VTN: variants seen among roughly 807,000 people sequenced by gnomAD.
VTN encodes vitronectin, also known as complement S-protein.
A neutral mutation model predicts 55.9 loss-of-function variants in VTN; 45 were observed. The observed-to-expected ratio is 0.80, with a 90% CI of 0.63 to 1.03. The LOEUF (loss-of-function observed/expected upper bound fraction) is 1.03, where lower values mean the gene tolerates loss of function less well. Ranked by LOEUF, VTN falls within the 50% of genes least tolerant of loss-of-function variation. The pLI is 0.00. For missense variants in VTN, 589 were observed against 638.2 expected, an observed-to-expected ratio of 0.92 and a Z score of 0.83; for synonymous variants, 238 against 242.3, an observed-to-expected ratio of 0.98 and a Z score of 0.17.
At position 28,369,653 on chromosome 17, in the gene VTN, CCCA is replaced by C; in HGVS notation, c.380_382del (p.Val127del). The C allele has an allele frequency of 6.2e-7, 1 of 1,613,786 alleles. No individual in the cohort carries two copies. The highest frequency in any genetic ancestry group is 8.5e-7 in the Non-Finnish European group (1 of 1,180,002). ...GTCTATCCCCTCAGGCTTAGAGGCG[CCCA>C]CCTCAGGCGCAGGGGCCTCTTCCTC... On this transcript the variant is annotated inframe_deletion, in exon 3 of 8. Coordinates refer to ENST00000226218, the MANE Select transcript of VTN (RefSeq NM_000638.4). This position sits in a 1 kb window ranked among gnomAD's most constrained non-coding sequence, Gnocchi z 5.3.
At position 28,368,040 on chromosome 17, in the gene VTN, C is replaced by A; in HGVS notation, c.999G>T (p.Gln333His). Residue 333 changes from glutamine (Q) to histidine (H), a missense_variant, in exon 7 of 8, where the codon CAG becomes CAT. By Grantham distance (24) the Gln-to-His change is conservative (BLOSUM62 0). Around this residue, in one of 3 missense-constraint regions of VTN, gnomAD observed 334 missense variants for 328.2 expected, o/e 1.02. Transcript: ENST00000226218. ...CACCGTGCCAGTCCCGGCTAATGAA[C>A]TGGGGCTGTCTGGTACCAGCTGTGG... is the stretch of plus-strand genomic sequence containing the variant. ...GRTSAGTRQP[Q>H]FISRDWHGVP... 1 of 1,582,138 alleles carries A rather than the reference C, an allele frequency of 6.3e-7. No individual in the cohort carries two copies. Among genetic ancestry groups the A allele is most frequent in the South Asian group, 1.2e-5 (1 of 86,954 alleles).
rs1188173407 is a variant in VTN, at chr17:28,369,839, TC to T, written c.196del (p.Asp66MetfsTer33). On this transcript the variant is annotated frameshift_variant, in exon 3 of 8. Coordinates refer to ENST00000226218, the MANE Select transcript of VTN (RefSeq NM_000638.4). LOFTEE classifies it high-confidence loss of function. The surrounding 1 kb of genome is among the most constrained non-coding windows in gnomAD (Gnocchi z 5.3). ...AECKPQVTRGDVFTMPEDEYT... is the reference protein window; with the variant it reads ...AECKPQVTRGXVFTMPEDEYT... ...CTCATCCTCCGGCATAGTGAACACA[TC>T]CCCGCGAGTCACTGCAGAGAGTGGA... is the stretch of plus-strand genomic sequence containing the variant. 19 of 1,612,322 alleles carry T rather than the reference TC, an allele frequency of 1.2e-5. No homozygotes were observed. The highest frequency in any genetic ancestry group is 1.5e-5 in the Non-Finnish European group (18 of 1,178,746).
In VTN at chr17:28,368,626, C is replaced by T; in HGVS notation, c.874G>A (p.Glu292Lys). 3.1e-6 allele frequency: 5 copies of T among 1,613,972 alleles called. No individual in the cohort carries two copies. Among genetic ancestry groups the T allele is most frequent in the Non-Finnish European group, 4.2e-6 (5 of 1,180,026 alleles). Reference sequence around the variant, plus strand: ...GCCGACAGGGAGCTGCCTTCACACTCCTCCTGACTGGGCTGGTGCTGGAAC... The same window carrying T: ...GCCGACAGGGAGCTGCCTTCACACTTCTCCTGACTGGGCTGGTGCTGGAAC... ...YQFQHQPSQE[E>K]CEGSSLSAVF... Residue 292 changes from glutamate (E) to lysine (K), a missense_variant, in exon 6 of 8, where the codon GAG (glutamate) becomes AAG (lysine). Coordinates refer to ENST00000226218, the MANE Select transcript of VTN (RefSeq NM_000638.4).
Position 28,369,323 on chromosome 17 carries a change from C to T in VTN, c.635G>A (p.Arg212His), listed in dbSNP as rs782079860. Reference sequence around the variant, plus strand: ...GTAGGTCTTCCCCTGACAGTTGATGCGGGTGAAGGCGGCATCGATGGGGCC... The same window carrying T: ...GTAGGTCTTCCCCTGACAGTTGATGTGGGTGAAGGCGGCATCGATGGGGCC... Reference protein sequence around the residue: ...IEGPIDAAFTRINCQGKTYLF... With the variant: ...IEGPIDAAFTHINCQGKTYLF... Residue 212 changes from arginine to histidine, a missense_variant, in exon 4 of 8, where the codon CGC becomes CAC. Physicochemically the swap from Arg to His is conservative, Grantham distance 29. Coordinates refer to ENST00000226218, the MANE Select transcript of VTN (RefSeq NM_000638.4). The surrounding 1 kb of genome is among the most constrained non-coding windows in gnomAD (Gnocchi z 5.3). The T allele has an allele frequency of 3.1e-5, 49 of 1,603,266 alleles. No homozygotes were observed. The highest frequency in any genetic ancestry group is 3.7e-5 in the Non-Finnish European group (43 of 1,172,040).
At position 28,369,922 on chromosome 17, in the gene VTN, C is replaced by T. The variant is rs533312813; in HGVS notation, c.184+5G>A. 1.9e-6 allele frequency: 3 copies of T among 1,613,894 alleles called. No homozygotes were observed. In the African/African-American group the frequency reaches 4.0e-5, roughly 22 times the overall value. On this transcript the variant is annotated splice_donor_5th_base_variant and intron_variant, in intron 2 of 7. Transcript: ENST00000226218. This position sits in a 1 kb window ranked among gnomAD's most constrained non-coding sequence, Gnocchi z 5.3. ...CCAGCCCACCCACCTGGGCTCTGAACACACCTTGGGGCTTGCACTCAGCCG... is the reference window on the plus strand; with the variant it reads ...CCAGCCCACCCACCTGGGCTCTGAATACACCTTGGGGCTTGCACTCAGCCG...
chr17:28,367,951 G>T lies in VTN; in HGVS notation c.1088C>A (p.Pro363His). 6.2e-7 allele frequency: 1 copy of T among 1,602,548 alleles called. No homozygotes were observed. Among genetic ancestry groups the T allele is most frequent in the East Asian group, 2.2e-5 (1 of 44,456 alleles). Reference sequence around the variant, plus strand: ...AAACCTTTGTTTCTTGGCCAAGGAGGGGCGGGGTGCCATGCCTGAGATGTA... The same window carrying T: ...AAACCTTTGTTTCTTGGCCAAGGAGTGGCGGGGTGCCATGCCTGAGATGTA... The part of the protein sequence containing the change: ...RIYISGMAPR[P>H]SLAKKQRFRH... Residue 363 changes from proline (P) to histidine (H), a missense_variant, in exon 7 of 8, where the codon CCC (proline) becomes CAC (histidine). By Grantham distance (77) the Pro-to-His change is moderately conservative. Around this residue, in one of 3 missense-constraint regions of VTN, gnomAD observed 334 missense variants for 328.2 expected, o/e 1.02. Coordinates refer to ENST00000226218, the MANE Select transcript of VTN (RefSeq NM_000638.4).
chr17:28,368,259 C>T (rs534369916), intron 6 of VTN, among the ~76,000 whole-genome samples, 200 bp from the exon 7 acceptor site: 1 of 152,068 alleles, frequency 6.6e-6, no homozygotes, highest in Admixed American at 6.6e-5. Context: ...GACCCCACCC[C>T]CCCAGGCCCC....
Position 28,370,168 on chromosome 17 carries a change from C to G in VTN, c.36G>C (p.Leu12=). 6.2e-7 allele frequency: 1 copy of G among 1,613,842 alleles called. No individual in the cohort carries two copies. Among genetic ancestry groups the G allele is most frequent in the Non-Finnish European group, 8.5e-7 (1 of 1,179,810 alleles). Residue 12 remains leucine (L), a synonymous_variant, in exon 1 of 8, where the codon CTG becomes CTC. Transcript: ENST00000226218. ...GGTCAGCCAGAGCAACCCATGCCAG[C>G]AGGGCCAGTATGAGAAGGGGTCTCA... The part of the protein sequence containing the change: ...APLRPLLILA[L]LAWVALADQE...
In VTN at chr17:28,368,523, G is replaced by A. The variant is rs2067925848; in HGVS notation, c.977C>T (p.Ser326Phe). 1.2e-6 allele frequency: 2 copies of A among 1,613,790 alleles called. No homozygotes were observed. The highest frequency in any genetic ancestry group is 1.3e-5 in the African/African-American group (1 of 74,922). The change falls in exon 6 of 8, where the codon TCT (serine) becomes TTT (phenylalanine). Residue 326 changes from serine to phenylalanine, a missense_variant and splice_region_variant. Ser to Phe is a radical substitution (Grantham distance 155). Transcript: ENST00000226218. ...IFELLFWGRT[S>F]AGTRQPQFIS... Reference sequence around the variant, plus strand: ...CAAGACTTGCCCTCTCTCCATACCAGAGGTTCTGCCCCAGAAGAGAAGCTC... The same window carrying A: ...CAAGACTTGCCCTCTCTCCATACCAAAGGTTCTGCCCCAGAAGAGAAGCTC...
chr17:28,369,199 G>A lies in VTN; in HGVS notation c.669+90C>T. ...CCCACCAGGTCCTGCAGGGCCCTGG[G>A]TCCAGCTTCCCTGTCCACCCTGTCC... is the stretch of plus-strand genomic sequence containing the variant. On this transcript the variant is annotated intron_variant, in intron 4 of 7. Transcript: ENST00000226218. The surrounding 1 kb of genome is among the most constrained non-coding windows in gnomAD (Gnocchi z 5.3). 3.3e-6 allele frequency: 5 copies of A among 1,514,842 alleles called. No individual in the cohort carries two copies. Among genetic ancestry groups the A allele is most frequent in the Non-Finnish European group, 3.5e-6 (4 of 1,131,486 alleles). 93.8% of individuals were successfully genotyped at this position (1,514,842 alleles called of 1,614,324 possible).
chr17:28,369,081 A>C lies in VTN; in HGVS notation c.670-53T>G. The C allele has an allele frequency of 6.5e-7, 1 of 1,538,692 alleles. No homozygotes were observed. On this transcript the variant is annotated intron_variant, in intron 4 of 7. Transcript: ENST00000226218. The surrounding 1 kb of genome is among the most constrained non-coding windows in gnomAD (Gnocchi z 5.3). Reference sequence around the variant, plus strand: ...TATGGAGGCCGCTGGCTGGGCACAGAGGCAGAGTCCCTTGCCCTAAGGCAG... The same window carrying C: ...TATGGAGGCCGCTGGCTGGGCACAGCGGCAGAGTCCCTTGCCCTAAGGCAG...
In VTN at chr17:28,369,022, G is replaced by C. The variant is rs781978849; in HGVS notation, c.676C>G (p.Gln226Glu). 6 of 1,587,450 alleles carry C rather than the reference G, an allele frequency of 3.8e-6. No individual in the cohort carries two copies. The South Asian group carries it at 6.9e-5, about 18-fold the overall frequency. ...ACACCATCCTCAAAGCGCCAGTACT[G>C]ACTACCCTAAGAGGTGGGGAAAGTG... ...QGKTYLFKGSQYWRFEDGVLD... is the reference protein window; with the variant it reads ...QGKTYLFKGSEYWRFEDGVLD... Residue 226 changes from glutamine (Q) to glutamate (E), a missense_variant, in exon 5 of 8, where the codon CAG (glutamine) becomes GAG (glutamate). By Grantham distance (29) the Gln-to-Glu change is conservative. Coordinates refer to ENST00000226218, the MANE Select transcript of VTN (RefSeq NM_000638.4). The surrounding 1 kb of genome is among the most constrained non-coding windows in gnomAD (Gnocchi z 5.3).
rs557265411 is a variant in VTN at position 28,369,627 on chromosome 17, A to G, written c.409T>C (p.Ser137Pro). ...CCTGGATGAAGGGTCTCAGGCCTTGAGTCTATCCCCTCAGGCTTAGAGGCG... is the reference window on the plus strand; with the variant it reads ...CCTGGATGAAGGGTCTCAGGCCTTGGGTCTATCCCCTCAGGCTTAGAGGCG... ...VGASKPEGID[S>P]RPETLHPGRP... The change falls in exon 3 of 8, where the codon TCA (serine) becomes CCA (proline). Residue 137 changes from serine to proline, a missense_variant. Physicochemically the swap from Ser to Pro is moderately conservative, Grantham distance 74. Around this residue, in one of 3 missense-constraint regions of VTN, gnomAD observed 217 missense variants for 241.3 expected, o/e 0.90. Coordinates refer to ENST00000226218, the MANE Select transcript of VTN (RefSeq NM_000638.4). This position sits in a 1 kb window ranked among gnomAD's most constrained non-coding sequence, Gnocchi z 5.3. 7 of 1,613,696 alleles carry G rather than the reference A, an allele frequency of 4.3e-6. No individual in the cohort carries two copies. The South Asian group carries it at 7.7e-5, about 18-fold the overall frequency.
At position 28,369,046 on chromosome 17, in the gene VTN, T is replaced by G. The variant is rs782717484; in HGVS notation, c.670-18A>C. 1 of 1,570,012 alleles carries G rather than the reference T, an allele frequency of 6.4e-7. No homozygotes were observed. Among genetic ancestry groups the G allele is most frequent in the Non-Finnish European group, 8.6e-7 (1 of 1,163,712 alleles). The stretch of plus-strand genomic sequence containing the variant: ...TGACTACCCTAAGAGGTGGGGAAAG[T>G]GAAAAGGGGTATGGAGGCCGCTGGC... On this transcript the variant is annotated intron_variant, in intron 4 of 7. Transcript: ENST00000226218. This position sits in a 1 kb window ranked among gnomAD's most constrained non-coding sequence, Gnocchi z 5.3.
In VTN at chr17:28,369,826, C is replaced by T. The variant is rs2067937565; in HGVS notation, c.210G>A (p.Met70Ile). The change falls in exon 3 of 8, where the codon ATG becomes ATA. Residue 70 changes from methionine (M) to isoleucine (I), a missense_variant. Physicochemically the swap from Met to Ile is conservative, Grantham distance 10. Around this residue, in one of 3 missense-constraint regions of VTN, gnomAD observed 217 missense variants for 241.3 expected, o/e 0.90. Transcript: ENST00000226218. The surrounding 1 kb of genome is among the most constrained non-coding windows in gnomAD (Gnocchi z 5.3). ...PQVTRGDVFTMPEDEYTVYDD... is the reference protein window; with the variant it reads ...PQVTRGDVFTIPEDEYTVYDD... ...CATAGACCGTGTACTCATCCTCCGG[C>T]ATAGTGAACACATCCCCGCGAGTCA... 6.2e-7 allele frequency: 1 copy of T among 1,612,974 alleles called. No individual in the cohort carries two copies. Among genetic ancestry groups the T allele is most frequent in the Admixed American group, 1.7e-5 (1 of 59,974 alleles).
In VTN at chr17:28,367,956, G is replaced by A. The variant is rs1555583290; in HGVS notation, c.1083C>T (p.Pro361=). 1.2e-6 allele frequency: 2 copies of A among 1,601,436 alleles called. No homozygotes were observed. The highest frequency in any genetic ancestry group is 1.7e-6 in the Non-Finnish European group (2 of 1,174,096). Residue 361 remains proline (P), a synonymous_variant, in exon 7 of 8, where the codon CCC becomes CCT. Transcript: ENST00000226218. ...TTTGTTTCTTGGCCAAGGAGGGGCGGGGTGCCATGCCTGAGATGTAGATGC... is the reference window on the plus strand; with the variant it reads ...TTTGTTTCTTGGCCAAGGAGGGGCGAGGTGCCATGCCTGAGATGTAGATGC... ...AGRIYISGMA[P]RPSLAKKQRF... is the part of the protein sequence containing the mutation.
intron 6 of VTN, 110 bp downstream of exon 6, chr17:28,368,411 T>C (rs1238539718): frequency 6.1e-6 from 9 of 1,467,812 alleles, no homozygotes; most frequent in Admixed American, 1.8e-5. Context: ...GCAAACAGAC[T>C]TTGATCGATA....
chr17:28,368,777 G>A lies in VTN; in HGVS notation c.826+95C>T, dbSNP rs573686256. On this transcript the variant is annotated intron_variant, in intron 5 of 7. Transcript: ENST00000226218. ...TCTCCCAGCATGAGGTGGGGGTCAGGGGTGGGCACATGCTGAGGCCTGTCC... is the reference window on the plus strand; with the variant it reads ...TCTCCCAGCATGAGGTGGGGGTCAGAGGTGGGCACATGCTGAGGCCTGTCC... 3.5e-5 allele frequency: 57 copies of A among 1,610,850 alleles called. No homozygotes were observed. The South Asian group carries it at 5.6e-4, about 16-fold the overall frequency.
chr17:28,368,808 G>T (rs1438316504), intron 5 of VTN, 64 bp downstream of exon 5: 12 of 1,612,266 alleles, frequency 7.4e-6, no homozygotes, highest in Non-Finnish European at 4.2e-6. Context: ...TGTCCCCAGT[G>T]AAATGTGAAA....
Sources: allele counts gnomAD v4.1 joint callset (sites outside exome capture counted in the v4.1 genomes callset), GRCh38; gene constraint gnomAD v4.1.1; regional missense constraint gnomAD v4.1.1; non-coding constraint Gnocchi (gnomAD v3.1); transcripts MANE v1.5; gene names NCBI Gene and HGNC (gene_info 2026-07-23, HGNC 2026-07-21).